The following WNT8A variants were observed in gnomAD, a reference collection of about 807,000 sequenced individuals.
The protein encoded by WNT8A is Wnt family member 8A.
WNT8A carries 14 observed loss-of-function variants against 20.5 expected under a neutral mutation model. The observed-to-expected ratio is 0.68, with a 90% confidence interval of 0.45 to 1.07. The LOEUF (loss-of-function observed/expected upper bound fraction) is 1.07. WNT8A is among the 50% of genes least tolerant of loss of function. The pLI is 0.00. For missense variants in WNT8A, 397 were observed against 462.9 expected (o/e 0.86, Z 1.31); for synonymous variants, 167 against 169.2 (o/e 0.99, Z 0.10).
At chr5:138,080,319 CA>C (rs1213283315), upstream of WNT8A, among the ~76,000 whole-genome samples, 95 of 65,544 alleles carry the variant, frequency 1.4e-3, no homozygotes, top group African/African-American at 3.7e-3. Context: ...GACTCCTTCT[CA>C]AAAAAAAAAA....
At position 138,085,049 on chromosome 5, in the gene WNT8A, G is replaced by T. The variant is rs1750616884; in HGVS notation, c.295+413G>T. On this transcript the variant is annotated intron_variant, in intron 2 of 4. Transcript: ENST00000506684. Reference sequence around the variant, plus strand: ...CCTCCGGAGTTCAAGTGATTCTCCTGCCTCAGCCTCCCGAGTAGCTGGGAT... The same window carrying T: ...CCTCCGGAGTTCAAGTGATTCTCCTTCCTCAGCCTCCCGAGTAGCTGGGAT... 4.6e-5 allele frequency among the ~76,000 whole-genome samples: 7 copies of T among 152,126 alleles called. No homozygotes were observed. In the South Asian group the frequency reaches 1.5e-3, roughly 32 times the overall value.
At chr5:138,078,525 C>T in the WNT8A span, among the ~76,000 whole-genome samples, 1 of 152,278 alleles carries the variant, frequency 6.6e-6, no homozygotes, top group South Asian at 2.1e-4. Context: ...AGTGAAAGTG[C>T]ACTTTTAGAA....
chr5:138,086,476 C>T (rs111267248), intron 2 of WNT8A, among the ~76,000 whole-genome samples: 5,797 of 152,082 alleles, frequency 0.038, 131 homozygotes, highest in Middle Eastern at 0.061. Flanking sequence ...ACTTAACCTC[C>T]CAAAGTGCTG....
intron 2 of WNT8A, among the ~76,000 whole-genome samples, 174 bp downstream of exon 2, chr5:138,084,810 C>G (rs1200256926): frequency 6.6e-6 from 1 of 152,210 alleles, no homozygotes; most frequent in Non-Finnish European, 1.5e-5. Context: ...TACCCTCTCT[C>G]AGCCCCAGAT....
Position 138,084,243 on chromosome 5 carries a change from T to C in WNT8A, c.116T>C (p.Phe39Ser), listed in dbSNP as rs1750586569. Residue 39 changes from phenylalanine to serine, a missense_variant, in exon 1 of 5, where the codon TTT (phenylalanine) becomes TCT (serine). Phe to Ser is a radical substitution (Grantham distance 155). Transcript: ENST00000506684. ...CACCTCTGCCTCACTTTTTCTCTTT[T>C]TGGTAGGTCAGTGAACAATTTCCTG... ...PIHLCLTFSL[F>S]GRSVNNFLIT... is the part of the protein sequence containing the mutation. 6.2e-7 allele frequency: 1 copy of C among 1,614,078 alleles called. No homozygotes were observed. Among genetic ancestry groups the C allele is most frequent in the African/African-American group, 1.3e-5 (1 of 74,922 alleles).
At position 138,088,039 on chromosome 5, in the gene WNT8A, C is replaced by T; in HGVS notation, c.421+108C>T. 2.0e-6 allele frequency: 3 copies of T among 1,488,134 alleles called. No individual in the cohort carries two copies. The East Asian group carries it at 7.0e-5, about 35-fold the overall frequency. 92.2% of individuals were successfully genotyped at this position (1,488,134 alleles called of 1,614,324 possible). On this transcript the variant is annotated intron_variant, in intron 3 of 4. Transcript: ENST00000506684. ...TGAGGGACACAGCTCCCTTAAACCT[C>T]AAGACTCCAGCAACTCCTTCAATTG... is the stretch of plus-strand genomic sequence containing the variant.
rs539760730 is a variant in WNT8A at position 138,086,153 on chromosome 5, G to T, written c.295+1517G>T. 7.2e-5 allele frequency among the ~76,000 whole-genome samples: 11 copies of T among 152,256 alleles called. No homozygotes were observed. The South Asian group carries it at 1.0e-3, about 14-fold the overall frequency. Reference sequence around the variant, plus strand: ...GAGGTCTAGGCTGGACTCTAAGAGGGCAAGGTCCCGATCCCAACACCACAA... The same window carrying T: ...GAGGTCTAGGCTGGACTCTAAGAGGTCAAGGTCCCGATCCCAACACCACAA... On this transcript the variant is annotated intron_variant, in intron 2 of 4. Transcript: ENST00000506684.
At position 138,091,531 on chromosome 5, in the gene WNT8A, T is replaced by C; in HGVS notation, c.*458T>C. 1 of 1,305,450 alleles carries C rather than the reference T, an allele frequency of 7.7e-7. No individual in the cohort carries two copies. Among genetic ancestry groups the C allele is most frequent in the Non-Finnish European group, 1.0e-6 (1 of 995,338 alleles). 80.9% of individuals were successfully genotyped at this position (1,305,450 alleles called of 1,614,324 possible). A position where few individuals can be genotyped will look rare whatever the true frequency, so the allele number is the denominator to read the frequency against. ...GCAGCCTGTGGCTACAAATCTATGC[T>C]GATAAATGAGGTAAAGACCACATAT... On this transcript the variant is annotated 3_prime_UTR_variant, in exon 5 of 5. Transcript: ENST00000506684.
upstream of WNT8A, among the ~76,000 whole-genome samples, chr5:138,079,302 TATA>T (rs1305870811): frequency 6.8e-6 from 1 of 147,612 alleles, no homozygotes; most frequent in Non-Finnish European, 1.5e-5. Flanking sequence ...ATAATTATAT[TATA>T]ATTATTATTA....
At chr5:138,081,731 A>G (rs1417092140), upstream of WNT8A, among the ~76,000 whole-genome samples, 1 of 152,072 alleles carries the variant, frequency 6.6e-6, no homozygotes, top group African/African-American at 2.4e-5. Context: ...GTCCATTAGG[A>G]CTTTTTGTCC....
chr5:138,090,892 G>T lies in WNT8A; in HGVS notation c.929G>T (p.Arg310Leu). The change falls in exon 5 of 5, where the codon CGC becomes CTC. Residue 310 changes from arginine (R) to leucine (L), a missense_variant. Arg to Leu is a moderately radical substitution (Grantham distance 102, BLOSUM62 -2). Transcript: ENST00000506684. ...TSRWERRSCG[R>L]LCTECGLQVE... Reference sequence around the variant, plus strand: ...AGGTGGGAGCGACGTAGCTGTGGGCGCCTGTGCACTGAGTGTGGGCTGCAG... The same window carrying T: ...AGGTGGGAGCGACGTAGCTGTGGGCTCCTGTGCACTGAGTGTGGGCTGCAG... The T allele has an allele frequency of 6.2e-7, 1 of 1,614,206 alleles. No homozygotes were observed. The highest frequency in any genetic ancestry group is 8.5e-7 in the Non-Finnish European group (1 of 1,180,030).
intron 2 of WNT8A, 127 bp from the exon 3 acceptor site, chr5:138,087,676 AAAG>A (rs372164723): frequency 1.3e-6 from 1 of 777,494 alleles, no homozygotes; most frequent in Non-Finnish European, 1.9e-6. Flanking sequence ...AAAAAAAAAG[AAAG>A]AAAAGCATCC....
At position 138,084,143 on chromosome 5, in the gene WNT8A, C is replaced by T; in HGVS notation, c.16C>T (p.Gln6Ter). Residue 6 changes from glutamine (Q) to a stop codon, truncating the protein, a stop_gained, in exon 1 of 5, where the codon CAG (glutamine) becomes TAG (stop). Transcript: ENST00000506684. LOFTEE classifies it high-confidence loss of function. The part of the protein sequence containing the change: MLCCI[Q>*]CLCLVSPFPT... ...CTCTGGGCATATGCTGTGCTGCATT[C>T]AGTGCCTCTGCCTGGTAAGTCCTTT... The T allele has an allele frequency of 6.2e-7, 1 of 1,614,232 alleles. No individual in the cohort carries two copies. The highest frequency in any genetic ancestry group is 8.5e-7 in the Non-Finnish European group (1 of 1,180,050).
At chr5:138,081,654 C>G (rs1750514998), upstream of WNT8A, among the ~76,000 whole-genome samples, 3 of 151,880 alleles carry the variant, frequency 2.0e-5, no homozygotes, top group Admixed American at 2.0e-4. Context: ...CCTATTTTCC[C>G]CAAGCAGAGA....
chr5:138,088,796 C>A, intron 3 of WNT8A, 131 bp from the exon 4 acceptor site: 1 of 1,294,690 alleles, frequency 7.7e-7, no homozygotes, highest in Non-Finnish European at 1.1e-6. Flanking sequence ...CCCACCCACC[C>A]CAAGCACCTC....
chr5:138,086,990 G>A (rs904294372), intron 2 of WNT8A, among the ~76,000 whole-genome samples: 6 of 151,628 alleles, frequency 4.0e-5, no homozygotes, highest in Non-Finnish European at 8.8e-5. Flanking sequence ...AGGTTACAGT[G>A]AGCCAAGATC....
upstream of WNT8A, among the ~76,000 whole-genome samples, chr5:138,079,307 TTATTATTAATTATA>T (rs1217274434): frequency 1.4e-5 from 2 of 147,230 alleles, no homozygotes; most frequent in South Asian, 2.1e-4. Context: ...TATATTATAA[TTATTATTAATTATA>T]TATTAATTAT....
chr5:138,082,838 C>T (rs1409409676), upstream of WNT8A, among the ~76,000 whole-genome samples: 2 of 151,360 alleles, frequency 1.3e-5, no homozygotes, highest in Non-Finnish European at 2.9e-5. Context: ...GATCATGCCA[C>T]TGCACTCCAG....
intron 2 of WNT8A, among the ~76,000 whole-genome samples, chr5:138,087,114 T>C (rs1280167816): frequency 6.6e-6 from 1 of 150,844 alleles, no homozygotes; most frequent in African/African-American, 2.4e-5. Flanking sequence ...TCCCAGCACT[T>C]TGGGAGGCCA....
Sources: allele counts gnomAD v4.1 joint callset (sites outside exome capture counted in the v4.1 genomes callset), GRCh38; gene constraint gnomAD v4.1.1; transcripts MANE v1.5; gene names NCBI Gene and HGNC (gene_info 2026-07-23, HGNC 2026-07-21).